GALNTL6: variants seen among roughly 807,000 people sequenced by gnomAD.
GALNTL6 encodes the protein polypeptide N-acetylgalactosaminyltransferase like 6.
In GALNTL6, 46 loss-of-function variants were observed where a neutral mutation model predicts 73.7. The observed-to-expected ratio is 0.62, with a 90% CI of 0.49 to 0.80. The LOEUF (loss-of-function observed/expected upper bound fraction) is 0.80. Among genes scored for constraint, GALNTL6 ranks in the 30% least tolerant of loss-of-function variants. GALNTL6 has a pLI of 0.00. For missense variants in GALNTL6, 604 were observed against 755.0 expected (o/e 0.80, Z 2.34); for synonymous variants, 259 against 263.7 (o/e 0.98, Z 0.17).
intron 8 of GALNTL6, among the ~76,000 whole-genome samples, chr4:172,905,565 C>T (rs1746839350): frequency 6.6e-6 from 1 of 151,866 alleles, no homozygotes; most frequent in African/African-American, 2.4e-5. Context: ...CTCAGGAAAC[C>T]ATATACACTA....
At chr4:172,553,833 G>T (rs1736048244) in intron 5 of GALNTL6, among the ~76,000 whole-genome samples, 2 of 152,092 alleles carry the variant, frequency 1.3e-5, no homozygotes, top group South Asian at 2.1e-4. Context: ...AGGGTGGAAG[G>T]ATCTCTTGAG....
intron 2 of GALNTL6, among the ~76,000 whole-genome samples, chr4:172,221,813 G>C (rs1339306781): frequency 1.3e-5 from 2 of 151,796 alleles, no homozygotes; most frequent in Non-Finnish European, 3.0e-5. Context: ...CATATGCTTA[G>C]ATGGAAATTT....
At chr4:172,987,912 A>C (rs1751362845) in intron 10 of GALNTL6, among the ~76,000 whole-genome samples, 1 of 152,212 alleles carries the variant, frequency 6.6e-6, no homozygotes, top group African/African-American at 2.4e-5. Flanking sequence ...CAGCTTGCAG[A>C]ACCGTGAGCC....
At chr4:172,674,425 C>A (rs1732162495) in intron 5 of GALNTL6, among the ~76,000 whole-genome samples, 1 of 152,088 alleles carries the variant, frequency 6.6e-6, no homozygotes, top group South Asian at 2.1e-4. Flanking sequence ...CATGGAAAAT[C>A]TGATGATTAT....
chr4:172,914,662 A>C (rs1480873916), intron 8 of GALNTL6, among the ~76,000 whole-genome samples: 1 of 152,256 alleles, frequency 6.6e-6, no homozygotes, highest in Non-Finnish European at 1.5e-5. Context: ...AGGCCATTAC[A>C]TAATGGTAAA....
intron 7 of GALNTL6, among the ~76,000 whole-genome samples, chr4:172,874,756 G>T (rs532218895): frequency 6.6e-6 from 1 of 152,338 alleles, no homozygotes; most frequent in East Asian, 1.9e-4. Flanking sequence ...GTCTGCTCCC[G>T]TCTGGCCTGA....
chr4:171,938,404 G>A (rs1017245623), intron 2 of GALNTL6, among the ~76,000 whole-genome samples: 1 of 152,052 alleles, frequency 6.6e-6, no homozygotes, highest in African/African-American at 2.4e-5. Flanking sequence ...TCTTTGTGTA[G>A]CATTTCTGTG....
At chr4:172,168,646 G>T (rs1734712049) in intron 2 of GALNTL6, among the ~76,000 whole-genome samples, 1 of 152,068 alleles carries the variant, frequency 6.6e-6, no homozygotes. Flanking sequence ...TGTTGATGAA[G>T]CTGGTGATGG....
rs545954590 is a variant in GALNTL6, at chr4:172,039,238, C to T, written c.139-190418C>T. 3.9e-5 allele frequency among the ~76,000 whole-genome samples: 6 copies of T among 152,098 alleles called. No individual in the cohort carries two copies. The South Asian group carries it at 1.2e-3, about 32-fold the overall frequency. On this transcript the variant is annotated intron_variant, in intron 2 of 12. Coordinates refer to ENST00000506823, the MANE Select transcript of GALNTL6 (RefSeq NM_001034845.3). Reference sequence around the variant, plus strand: ...GGCAATTAAGTTTGTTTGGTGTAAACCGCAAACTTTTGTATGTAACCCAAA... The same window carrying T: ...GGCAATTAAGTTTGTTTGGTGTAAATCGCAAACTTTTGTATGTAACCCAAA...
chr4:172,708,603 A>G (rs967920368), intron 5 of GALNTL6, among the ~76,000 whole-genome samples: 1 of 152,160 alleles, frequency 6.6e-6, no homozygotes, highest in Non-Finnish European at 1.5e-5. Context: ...ACAAAGGGGG[A>G]CCTTAAGAGT....
chr4:172,166,162 A>G (rs1443250871), intron 2 of GALNTL6, among the ~76,000 whole-genome samples: 2 of 152,206 alleles, frequency 1.3e-5, no homozygotes, highest in African/African-American at 2.4e-5. Flanking sequence ...TTTAAAAATT[A>G]TATATGACAT....
At chr4:172,649,469 A>G (rs1406800899) in intron 5 of GALNTL6, among the ~76,000 whole-genome samples, 1 of 152,174 alleles carries the variant, frequency 6.6e-6, no homozygotes, top group Admixed American at 6.5e-5. Context: ...TTTAAAAGAA[A>G]CTGCCTGTAT....
chr4:172,452,812 G>A (rs559653862), intron 5 of GALNTL6, among the ~76,000 whole-genome samples: 2 of 152,222 alleles, frequency 1.3e-5, no homozygotes, highest in African/African-American at 2.4e-5. Context: ...ATAATCTATT[G>A]TATTCACTAA....
At chr4:172,395,984 G>A (rs1297684735) in intron 5 of GALNTL6, among the ~76,000 whole-genome samples, 1 of 152,106 alleles carries the variant, frequency 6.6e-6, no homozygotes, top group Non-Finnish European at 1.5e-5. Context: ...AACGTGTACA[G>A]AAGCAGCAAG....
chr4:172,825,923 C>T (rs1268137082), intron 7 of GALNTL6, among the ~76,000 whole-genome samples: 1 of 152,154 alleles, frequency 6.6e-6, no homozygotes, highest in East Asian at 1.9e-4. Context: ...CTTTGCTTAA[C>T]ACTGCTCCAA....
At chr4:171,911,207 T>A (rs1737466490) in intron 2 of GALNTL6, among the ~76,000 whole-genome samples, 1 of 152,222 alleles carries the variant, frequency 6.6e-6, no homozygotes, top group African/African-American at 2.4e-5. Flanking sequence ...TCACCCAGGC[T>A]GGAGTGCATT....
At chr4:171,991,641 T>C (rs1359314672) in intron 2 of GALNTL6, among the ~76,000 whole-genome samples, 1 of 151,162 alleles carries the variant, frequency 6.6e-6, no homozygotes, top group African/African-American at 2.4e-5. Flanking sequence ...GAAATTAGTA[T>C]GTGAGAGGAT....
intron 2 of GALNTL6, among the ~76,000 whole-genome samples, chr4:171,823,838 G>GTA (rs1195415093): frequency 1.3e-5 from 2 of 151,032 alleles, no homozygotes; most frequent in Non-Finnish European, 3.0e-5. Flanking sequence ...CTTAAGCATA[G>GTA]TATAGTAAGT....
At chr4:172,654,935 C>T (rs937451765) in intron 5 of GALNTL6, among the ~76,000 whole-genome samples, 1 of 152,100 alleles carries the variant, frequency 6.6e-6, no homozygotes, top group Admixed American at 6.6e-5. Flanking sequence ...ATAACTTTAC[C>T]TATTTTACAG....
Sources: allele counts gnomAD v4.1 joint callset (sites outside exome capture counted in the v4.1 genomes callset), GRCh38; gene constraint gnomAD v4.1.1; transcripts MANE v1.5; gene names NCBI Gene and HGNC (gene_info 2026-07-23, HGNC 2026-07-21).